NDNF: variants seen among roughly 807,000 people sequenced by gnomAD.
NDNF encodes the protein protein NDNF.
A neutral mutation model predicts 42.0 loss-of-function variants in NDNF; 16 were observed. That is an observed-to-expected ratio of 0.38 (90% CI 0.26 to 0.58). The LOEUF (loss-of-function observed/expected upper bound fraction) is 0.58, where lower values mean the gene tolerates loss of function less well. NDNF is among the 20% of genes least tolerant of loss of function. The pLI is 0.67. For synonymous variants in NDNF, 248 were observed against 251.7 expected (o/e 0.99, Z 0.14); for missense variants, 616 against 666.2 (o/e 0.92, Z 0.83).
chr4:121,039,202 A>ATG (rs1579308868), intron 3 of NDNF, among the ~76,000 whole-genome samples: 11 of 27,756 alleles, frequency 4.0e-4, no homozygotes, highest in East Asian at 2.4e-3. Context: ...GTATATATAT[A>ATG]TATATATATA....
At chr4:121,050,811 G>C (rs1481072737) in intron 1 of NDNF, among the ~76,000 whole-genome samples, 6 of 152,118 alleles carry the variant, frequency 3.9e-5, no homozygotes, top group African/African-American at 9.7e-5. Context: ...AAATAAAAAT[G>C]ACCTAATGAT....
chr4:121,051,449 C>A (rs544453706), intron 1 of NDNF, among the ~76,000 whole-genome samples: 1 of 152,084 alleles, frequency 6.6e-6, no homozygotes, highest in African/African-American at 2.4e-5. Flanking sequence ...CTTTTTCCCA[C>A]AAACCTGTGG....
At chr4:121,037,924 TTTGAGACATTA>T in intron 3 of NDNF, 1 of 345,280 alleles carries the variant, frequency 2.9e-6, no homozygotes, top group Non-Finnish European at 5.2e-6. Context: ...ACTGTAAACT[TTTGAGACATTA>T]TTAATCCTAA....
chr4:121,070,752 C>T (rs1036445244), intron 1 of NDNF, among the ~76,000 whole-genome samples: 9 of 152,044 alleles, frequency 5.9e-5, no homozygotes, highest in Non-Finnish European at 1.3e-4. Flanking sequence ...AAAAACATAA[C>T]AACAACAACA....
At position 121,036,224 on chromosome 4, in the gene NDNF, CT is replaced by C; in HGVS notation, c.*39del. On this transcript the variant is annotated 3_prime_UTR_variant, in exon 4 of 4. Transcript: ENST00000379692. Reference sequence around the variant, plus strand: ...TTATACTTAAAGTGATTTAATGTCCCTCCTGGAGTTCTACATAATATATCTC... The same window carrying C: ...TTATACTTAAAGTGATTTAATGTCCCCCTGGAGTTCTACATAATATATCTC... The C allele has an allele frequency of 6.7e-7, 1 of 1,490,040 alleles. No homozygotes were observed. Among genetic ancestry groups the C allele is most frequent in the Non-Finnish European group, 9.1e-7 (1 of 1,103,242 alleles). 92.3% of individuals were successfully genotyped at this position (1,490,040 alleles called of 1,614,324 possible).
chr4:121,043,460 G>A (rs1727038124), intron 2 of NDNF, among the ~76,000 whole-genome samples: 1 of 152,042 alleles, frequency 6.6e-6, no homozygotes, highest in Admixed American at 6.6e-5. Context: ...ACTAGTGTAT[G>A]TTAACATTTT....
intron 2 of NDNF, among the ~76,000 whole-genome samples, chr4:121,041,828 A>G (rs567997384): frequency 6.6e-6 from 1 of 152,328 alleles, no homozygotes; most frequent in South Asian, 2.1e-4. Flanking sequence ...TCAGGCAGAG[A>G]AAACCACATC....
intron 1 of NDNF, among the ~76,000 whole-genome samples, chr4:121,049,524 C>T (rs1173271941): frequency 6.6e-6 from 1 of 152,090 alleles, no homozygotes; most frequent in Admixed American, 6.6e-5. Flanking sequence ...GTAATAAAGT[C>T]CTTTGTCTCT....
chr4:121,036,014 C>T lies in NDNF; in HGVS notation c.*250G>A, dbSNP rs1242485475. 4.8e-6 allele frequency: 2 copies of T among 414,132 alleles called. No individual in the cohort carries two copies. Among genetic ancestry groups the T allele is most frequent in the Non-Finnish European group, 8.5e-6 (2 of 234,998 alleles). The allele number at this position is 414,132 out of a possible 1,614,324, so 25.7% of individuals were successfully genotyped here. On this transcript the variant is annotated 3_prime_UTR_variant, in exon 4 of 4. Coordinates refer to ENST00000379692, the MANE Select transcript of NDNF (RefSeq NM_024574.4). ...TGGTCAAAGCAAGGAATGGCAAGTT[C>T]CTTCAAGAAGCCCTCTATCTTTGAC...
intron 2 of NDNF, 88 bp from the exon 3 acceptor site, chr4:121,040,142 T>TC (rs2148763570): frequency 1.6e-6 from 2 of 1,265,964 alleles, no homozygotes; most frequent in East Asian, 2.7e-5. Flanking sequence ...TGGTTTTAAT[T>TC]TTTTTTTCAT....
chr4:121,053,084 A>C (rs1226268564), intron 1 of NDNF, among the ~76,000 whole-genome samples: 3 of 152,204 alleles, frequency 2.0e-5, no homozygotes, highest in Admixed American at 6.5e-5. Context: ...CTCTAAATGC[A>C]GGCTGTCAGT....
chr4:121,038,756 G>T (rs1384858389), intron 3 of NDNF: 2 of 152,068 alleles, frequency 1.3e-5, no homozygotes, highest in African/African-American at 4.8e-5. Context: ...GGAGGCCGAG[G>T]TGGGCGAATT....
rs72684102 is a variant in NDNF at position 121,068,853 on chromosome 4, A to G, written c.-2+3140T>C. On this transcript the variant is annotated intron_variant, in intron 1 of 3. Coordinates refer to ENST00000379692, the MANE Select transcript of NDNF (RefSeq NM_024574.4). ...CACTCTGTTCCTATGCTCTCGGTTG[A>G]TTCAGTCATCATTATTCCATTTCCA... Among the ~76,000 whole-genome samples, 1,498 of 152,306 alleles carry G rather than the reference A, an allele frequency of 9.8e-3. 18 individuals are homozygous for G. The highest frequency in any genetic ancestry group is 0.031 in the South Asian group (147 of 4,804).
Position 121,036,454 on chromosome 4 carries a change from A to C in NDNF, c.1517T>G (p.Ile506Arg). 6.2e-7 allele frequency: 1 copy of C among 1,614,138 alleles called. No individual in the cohort carries two copies. Among genetic ancestry groups the C allele is most frequent in the Non-Finnish European group, 8.5e-7 (1 of 1,180,020 alleles). The change falls in exon 4 of 4, where the codon ATA (isoleucine) becomes AGA (arginine). Residue 506 changes from isoleucine (I) to arginine (R), a missense_variant. Transcript: ENST00000379692. ...REQNQCLGPDIRKKSEKVLCK... is the reference protein window; with the variant it reads ...REQNQCLGPDRRKKSEKVLCK... Reference sequence around the variant, plus strand: ...GAGGACCTTTTCTGACTTCTTCCTTATATCTGGTCCTAGACATTGGTTTTG... The same window carrying C: ...GAGGACCTTTTCTGACTTCTTCCTTCTATCTGGTCCTAGACATTGGTTTTG...
intron 1 of NDNF, among the ~76,000 whole-genome samples, chr4:121,053,392 C>G (rs1056009749): frequency 6.6e-6 from 1 of 152,032 alleles, no homozygotes; most frequent in African/African-American, 2.4e-5. Context: ...GATGGCCAAG[C>G]CTACACAATC....
chr4:121,039,208 A>ATGTATGTG lies in NDNF; in HGVS notation c.313+721_313+722insCACATACA, dbSNP rs1560603297. ...TGTGTGTGTGTATATATATATATAT[A>ATGTATGTG]TATATATATATATATATATATATAT... On this transcript the variant is annotated intron_variant, in intron 3 of 3. Coordinates refer to ENST00000379692, the MANE Select transcript of NDNF (RefSeq NM_024574.4). Among the ~76,000 whole-genome samples the ATGTATGTG allele has an allele frequency of 5.7e-4, 53 of 93,796 alleles. 4 individuals are homozygous for ATGTATGTG. Among genetic ancestry groups the ATGTATGTG allele is most frequent in the Non-Finnish European group, 9.9e-4 (48 of 48,624 alleles). The allele number at this position is 93,796 out of a possible 152,430, so 61.5% of individuals were successfully genotyped here. A position where few individuals can be genotyped will look rare whatever the true frequency, so the allele number is the denominator to read the frequency against.
rs77235791 is a variant in NDNF, at chr4:121,036,079, C to G, written c.*185G>C. On this transcript the variant is annotated 3_prime_UTR_variant, in exon 4 of 4. Transcript: ENST00000379692. ...GACACACACTAGGTACCATGGGGCACGCTAGAACAAGTCTCCTTCAAGAGT... is the reference window on the plus strand; with the variant it reads ...GACACACACTAGGTACCATGGGGCAGGCTAGAACAAGTCTCCTTCAAGAGT... The G allele has an allele frequency of 6.9e-6, 4 of 581,304 alleles. 1 individual carries two copies. Among genetic ancestry groups the G allele is most frequent in the Non-Finnish European group, 1.2e-5 (4 of 337,772 alleles). 36.0% of individuals were successfully genotyped at this position (581,304 alleles called of 1,614,324 possible).
chr4:121,063,550 T>C (rs1436249771), intron 1 of NDNF, among the ~76,000 whole-genome samples: 3 of 152,120 alleles, frequency 2.0e-5, no homozygotes, highest in African/African-American at 4.8e-5. Context: ...ACTGGGTTAG[T>C]AGGACTAATT....
At chr4:121,056,391 TACTC>T (rs992172333) in intron 1 of NDNF, among the ~76,000 whole-genome samples, 4 of 152,332 alleles carry the variant, frequency 2.6e-5, no homozygotes, top group African/African-American at 9.6e-5. Flanking sequence ...TGATGTATAA[TACTC>T]TACAGGGCAG....
Sources: gnomAD v4.1 joint callset for allele counts (sites outside exome capture counted in the v4.1 genomes callset) on GRCh38, gnomAD v4.1.1 for gene constraint, MANE v1.5 for transcripts, NCBI Gene and HGNC (gene_info 2026-07-23, HGNC 2026-07-21) for gene names.